DDAH1: variants seen among roughly 807,000 people sequenced by gnomAD.
The protein encoded by DDAH1 is N(G),N(G)-dimethylarginine dimethylaminohydrolase 1.
In DDAH1, 19 loss-of-function variants were observed where a neutral mutation model predicts 28.8. The ratio of observed to expected loss-of-function variants is 0.66; its 90% CI spans 0.46 to 0.97. The LOEUF is 0.97. Ranked by LOEUF, DDAH1 falls within the 50% of genes least tolerant of loss-of-function variation. DDAH1 has a pLI of 0.00. For synonymous variants in DDAH1, 153 were observed against 154.4 expected, an observed-to-expected ratio of 0.99 and a Z score of 0.07; for missense variants, 326 against 375.9, an observed-to-expected ratio of 0.87 and a Z score of 1.10.
chr1:85,369,055 CTTTT>C (rs36109764), intron 1 of DDAH1, among the ~76,000 whole-genome samples: 2 of 84,604 alleles, frequency 2.4e-5, no homozygotes, highest in African/African-American at 4.7e-5. Context: ...CCAGGGGATT[CTTTT>C]TTTTTTTTTT....
chr1:85,350,350 G>C, intron 4 of DDAH1, 65 bp downstream of exon 4: 1 of 1,574,030 alleles, frequency 6.4e-7, no homozygotes, highest in Admixed American at 1.8e-5. Context: ...CCAGCAGAGA[G>C]AATGTGAAAA....
chr1:85,415,116 G>A (rs972342334), intron 1 of DDAH1, among the ~76,000 whole-genome samples: 2 of 140,614 alleles, frequency 1.4e-5, no homozygotes, highest in Admixed American at 8.1e-5. Context: ...CCAAGTTCAC[G>A]TGATTCTCCT....
rs917894388 is a variant in DDAH1, at chr1:85,464,626, G to A, written c.303+117C>T. The A allele has an allele frequency of 1.3e-5, 20 of 1,513,140 alleles. No individual in the cohort carries two copies. The highest frequency in any genetic ancestry group is 1.8e-5 in the Non-Finnish European group (20 of 1,133,676). 93.7% of individuals were successfully genotyped at this position (1,513,140 alleles called of 1,614,324 possible). A position where few individuals can be genotyped will look rare whatever the true frequency, so the allele number is the denominator to read the frequency against. On this transcript the variant is annotated intron_variant, in intron 1 of 5. Transcript: ENST00000284031. The surrounding 1 kb of genome is among the most constrained non-coding windows in gnomAD (Gnocchi z 4.4). ...CACACACACACTCGCCCCCCGACGGGAAGTTGTGAACTACTAGCCCGAGGG... is the reference window on the plus strand; with the variant it reads ...CACACACACACTCGCCCCCCGACGGAAAGTTGTGAACTACTAGCCCGAGGG...
intron 1 of DDAH1, among the ~76,000 whole-genome samples, chr1:85,461,182 T>C (rs1294500249): frequency 6.6e-6 from 1 of 152,066 alleles, no homozygotes; most frequent in Non-Finnish European, 1.5e-5. Context: ...TAAAATTTGA[T>C]AGGCCTCTAA....
In DDAH1 at chr1:85,320,937, G is replaced by A. The variant is rs1661303100; in HGVS notation, c.*515C>T. 1 of 152,212 alleles carries A rather than the reference G, an allele frequency of 6.6e-6. No homozygotes were observed. The highest frequency in any genetic ancestry group is 2.4e-5 in the African/African-American group (1 of 41,392). 9.4% of individuals were successfully genotyped at this position (152,212 alleles called of 1,614,324 possible). On this transcript the variant is annotated 3_prime_UTR_variant, in exon 6 of 6. Coordinates refer to ENST00000284031, the MANE Select transcript of DDAH1 (RefSeq NM_012137.4). ...AGGAAAGACCTTGGGTTTTACCCAA[G>A]GTCAAGGTGGCTGTGATAGAAGAGC...
chr1:85,335,968 GAAATAAAATAAAATA>G (rs139704444), intron 4 of DDAH1, among the ~76,000 whole-genome samples: 52,673 of 143,712 alleles, frequency 0.37, 9,628 homozygotes, highest in South Asian at 0.43. Flanking sequence ...TCTCTAAAAT[GAAATAAAATAAAATA>G]AAATAAAATA....
At chr1:85,413,764 G>A (rs1652763922) in intron 1 of DDAH1, among the ~76,000 whole-genome samples, 3 of 152,196 alleles carry the variant, frequency 2.0e-5, no homozygotes, top group South Asian at 4.1e-4. Context: ...AGACTGCAGA[G>A]TGAGGATGAG....
At chr1:85,360,565 T>C (rs1649731954) in intron 1 of DDAH1, among the ~76,000 whole-genome samples, 1 of 152,196 alleles carries the variant, frequency 6.6e-6, no homozygotes, top group South Asian at 2.1e-4. Context: ...AGAACAGATA[T>C]ACAGTTACTT....
At chr1:85,412,458 T>G (rs893229310) in intron 1 of DDAH1, among the ~76,000 whole-genome samples, 4 of 152,244 alleles carry the variant, frequency 2.6e-5, no homozygotes, top group Admixed American at 2.6e-4. Flanking sequence ...TGGTCATTAC[T>G]GGCTCTAAGC....
At chr1:85,460,585 G>A (rs1432101973) in intron 1 of DDAH1, among the ~76,000 whole-genome samples, 2 of 152,028 alleles carry the variant, frequency 1.3e-5, no homozygotes, top group East Asian at 1.9e-4. Context: ...CAGGGTACAT[G>A]ACAAATAAAT....
rs189397637 is a variant in DDAH1 at position 85,564,775 on chromosome 1, C to A, written c.-123+13209G>T. Among the ~76,000 whole-genome samples the A allele has an allele frequency of 7.3e-5, 11 of 151,476 alleles. No homozygotes were observed. In the East Asian group the frequency reaches 2.1e-3, roughly 30 times the overall value. On this transcript the variant is annotated intron_variant, in intron 1 of 6. Coordinates refer to the DDAH1 transcript ENST00000426972. ...ATCCCAGCTACTCAGGAGGCTGAGG[C>A]ATGAGAATCACCCAGGAGGCAGAGG...
At chr1:85,514,439 T>C (rs1181569365) in intron 1 of DDAH1, among the ~76,000 whole-genome samples, 1 of 151,558 alleles carries the variant, frequency 6.6e-6, no homozygotes, top group Non-Finnish European at 1.5e-5. Flanking sequence ...AAATGATGAA[T>C]TGATGGGTGC....
At chr1:85,500,195 C>T (rs1425224167) in intron 1 of DDAH1, among the ~76,000 whole-genome samples, 3 of 140,914 alleles carry the variant, frequency 2.1e-5, no homozygotes, top group Non-Finnish European at 4.6e-5. Context: ...ATCTTTTCTT[C>T]CTTCCTTTCT....
chr1:85,502,623 T>C (rs1420756268), intron 1 of DDAH1, among the ~76,000 whole-genome samples: 2 of 152,290 alleles, frequency 1.3e-5, no homozygotes, highest in East Asian at 1.9e-4. Flanking sequence ...TAAGAAGTTT[T>C]TCTTGTGGCA....
At chr1:85,443,698 G>A (rs1281516189) in intron 1 of DDAH1, among the ~76,000 whole-genome samples, 1 of 151,978 alleles carries the variant, frequency 6.6e-6, no homozygotes, top group African/African-American at 2.4e-5. Context: ...GTTGAGCAGT[G>A]GTTTGTAGTT....
At chr1:85,431,961 G>A (rs1653706449) in intron 1 of DDAH1, among the ~76,000 whole-genome samples, 1 of 152,144 alleles carries the variant, frequency 6.6e-6, no homozygotes, top group Non-Finnish European at 1.5e-5. Context: ...TACCAAATGA[G>A]TACAATCTAA....
intron 1 of DDAH1, among the ~76,000 whole-genome samples, chr1:85,501,662 G>T (rs74580220): frequency 6.6e-6 from 1 of 151,988 alleles, no homozygotes; most frequent in Admixed American, 6.6e-5. Flanking sequence ...TTGCTGTGCC[G>T]CCAGGAAAAA....
chr1:85,471,758 A>C (rs1655628361), intron 2 of DDAH1, among the ~76,000 whole-genome samples: 1 of 152,232 alleles, frequency 6.6e-6, no homozygotes, highest in South Asian at 2.1e-4. Flanking sequence ...AGTGCCCACG[A>C]CAGTGATAGG....
At chr1:85,336,329 T>C (rs1326033580) in intron 4 of DDAH1, among the ~76,000 whole-genome samples, 6 of 152,094 alleles carry the variant, frequency 3.9e-5, no homozygotes, top group African/African-American at 1.4e-4. Context: ...ATCAAAATCA[T>C]GACAATTCTC....
Sources: allele counts gnomAD v4.1 joint callset (sites outside exome capture counted in the v4.1 genomes callset), GRCh38; gene constraint gnomAD v4.1.1; non-coding constraint Gnocchi (gnomAD v3.1); transcripts MANE v1.5; gene names NCBI Gene and HGNC (gene_info 2026-07-23, HGNC 2026-07-21).